CTNNA2: variants seen among roughly 807,000 people sequenced by gnomAD.
CTNNA2 encodes catenin alpha 2.
CTNNA2 carries 42 observed loss-of-function variants against 101.0 expected under a neutral mutation model. That is an observed-to-expected ratio of 0.42 (90% CI 0.32 to 0.54). CTNNA2 has a LOEUF of 0.54. Ranked by LOEUF, CTNNA2 falls within the 20% of genes least tolerant of loss-of-function variation. The pLI, the probability that CTNNA2 is intolerant of heterozygous loss-of-function variation, is 0.14. For missense variants in CTNNA2, 871 were observed against 1,223.1 expected (o/e 0.71, Z 4.29); for synonymous variants, 450 against 456.4 (o/e 0.99, Z 0.18).
intron 7 of CTNNA2, among the ~76,000 whole-genome samples, chr2:80,351,667 C>T (rs1232305153): frequency 6.6e-6 from 1 of 152,086 alleles, no homozygotes; most frequent in African/African-American, 2.4e-5. Context: ...GTTAATTTCA[C>T]ATTTGAGAGT....
At chr2:80,555,003 T>C (rs1270604266) in intron 11 of CTNNA2, among the ~76,000 whole-genome samples, 2 of 152,136 alleles carry the variant, frequency 1.3e-5, no homozygotes, top group African/African-American at 4.8e-5. Context: ...TGGGCAATCA[T>C]ATGAAAGTTA....
At chr2:79,475,514 A>G (rs1671041487) in intron 4 of CTNNA2, among the ~76,000 whole-genome samples, 1 of 152,196 alleles carries the variant, frequency 6.6e-6, no homozygotes, top group Non-Finnish European at 1.5e-5. Flanking sequence ...TATGAAGGTT[A>G]CAGTCTAATA....
chr2:79,476,784 G>C (rs765180917), intron 4 of CTNNA2, among the ~76,000 whole-genome samples: 1 of 152,090 alleles, frequency 6.6e-6, no homozygotes. Flanking sequence ...CTAGCCACTC[G>C]GTCTCTCGGC....
At chr2:80,117,455 A>AGAGTGTGTGT (rs143379167) in intron 7 of CTNNA2, among the ~76,000 whole-genome samples, 6 of 145,882 alleles carry the variant, frequency 4.1e-5, no homozygotes, top group East Asian at 2.0e-4. Flanking sequence ...TTCCTGTGTG[A>AGAGTGTGTGT]GTGTGTGTGT....
At chr2:80,402,828 ATTTC>A (rs1389992550) in intron 8 of CTNNA2, among the ~76,000 whole-genome samples, 8 of 148,600 alleles carry the variant, frequency 5.4e-5, no homozygotes, top group Non-Finnish European at 8.9e-5. Flanking sequence ...ATATTTATAT[ATTTC>A]TTATTATTTC....
intron 2 of CTNNA2, among the ~76,000 whole-genome samples, chr2:79,234,317 T>A (rs1173428397): frequency 6.6e-6 from 1 of 152,138 alleles, no homozygotes; most frequent in East Asian, 1.9e-4. Context: ...TGAGGTATGA[T>A]AGTCTTGGTT....
At chr2:80,536,566 CAG>C (rs1368812333) in intron 9 of CTNNA2, among the ~76,000 whole-genome samples, 1 of 152,104 alleles carries the variant, frequency 6.6e-6, no homozygotes, top group African/African-American at 2.4e-5. Context: ...GTGTTTCAAA[CAG>C]AACAGAATCA....
At chr2:80,493,419 T>A (rs758767155) in intron 9 of CTNNA2, among the ~76,000 whole-genome samples, 6 of 152,186 alleles carry the variant, frequency 3.9e-5, no homozygotes, top group Non-Finnish European at 7.3e-5. Flanking sequence ...AAGTTGGTGA[T>A]CTTTGAATAA....
Position 80,190,394 on chromosome 2 carries a change from G to T in CTNNA2, c.1057-202817G>T, listed in dbSNP as rs760009306. ...TTCAACCACCTGCAAACAGCATGCGGTTTGTATAGCATTTTCAGTTAACAC... is the reference window on the plus strand; with the variant it reads ...TTCAACCACCTGCAAACAGCATGCGTTTTGTATAGCATTTTCAGTTAACAC... On this transcript the variant is annotated intron_variant, in intron 7 of 18. Coordinates refer to ENST00000402739, the MANE Select transcript of CTNNA2 (RefSeq NM_001282597.3). Among the ~76,000 whole-genome samples the T allele has an allele frequency of 4.6e-5, 7 of 152,246 alleles. No homozygotes were observed. In the Middle Eastern group the frequency reaches 0.01, roughly 222 times the overall value.
intron 9 of CTNNA2, among the ~76,000 whole-genome samples, chr2:80,521,429 A>G (rs530714446): frequency 4.5e-4 from 68 of 152,280 alleles, no homozygotes; most frequent in African/African-American, 1.5e-3. Context: ...GAACCCATGA[A>G]TATGTTACTT....
chr2:79,361,429 G>T (rs1388734677), intron 3 of CTNNA2, among the ~76,000 whole-genome samples: 1 of 152,160 alleles, frequency 6.6e-6, no homozygotes, highest in Non-Finnish European at 1.5e-5. Flanking sequence ...TGGCAACACC[G>T]ATTAGGGTTC....
intron 1 of CTNNA2, 36 bp from the exon 2 acceptor site, chr2:79,651,516 A>G (rs776592033): frequency 1.6e-5 from 25 of 1,561,240 alleles, no homozygotes; most frequent in African/African-American, 5.4e-5. Flanking sequence ...TATTTCAAAG[A>G]TGATTATTTC....
At chr2:80,374,560 A>G (rs1675745749) in intron 7 of CTNNA2, among the ~76,000 whole-genome samples, 1 of 152,018 alleles carries the variant, frequency 6.6e-6, no homozygotes, top group East Asian at 1.9e-4. Context: ...AGTTCTGGAG[A>G]CTAGAAGTCT....
chr2:80,330,553 G>T (rs1282739760), intron 7 of CTNNA2, among the ~76,000 whole-genome samples: 1 of 147,970 alleles, frequency 6.8e-6, no homozygotes, highest in Non-Finnish European at 1.5e-5. Context: ...CTTAGCCATT[G>T]TTCATTTGAA....
At chr2:79,792,576 G>C (rs1276800455) in intron 3 of CTNNA2, among the ~76,000 whole-genome samples, 4 of 151,984 alleles carry the variant, frequency 2.6e-5, no homozygotes, top group Non-Finnish European at 5.9e-5. Flanking sequence ...GCTTGGCATT[G>C]ATTCATTCCA....
At chr2:79,958,291 A>C (rs1689382796) in intron 7 of CTNNA2, among the ~76,000 whole-genome samples, 1 of 152,226 alleles carries the variant, frequency 6.6e-6, no homozygotes, top group South Asian at 2.1e-4. Context: ...ATGAATTAGT[A>C]ACAGAACTTG....
intron 1 of CTNNA2, among the ~76,000 whole-genome samples, chr2:79,555,781 C>T (rs1320432404): frequency 6.6e-6 from 1 of 151,964 alleles, no homozygotes; most frequent in East Asian, 1.9e-4. Flanking sequence ...TCAGTGTTAC[C>T]CACTGACCTT....
At chr2:80,049,010 G>A (rs142263122) in intron 7 of CTNNA2, among the ~76,000 whole-genome samples, 1 of 152,204 alleles carries the variant, frequency 6.6e-6, no homozygotes, top group East Asian at 1.9e-4. Flanking sequence ...AGTCATTAGG[G>A]GCTACAGTCT....
chr2:79,513,716 T>G (rs1671654747), intron 1 of CTNNA2, among the ~76,000 whole-genome samples: 1 of 144,072 alleles, frequency 6.9e-6, no homozygotes. Flanking sequence ...GAAGAATCTG[T>G]GGATTTGTGC....
Sources: gnomAD v4.1 joint callset for allele counts (sites outside exome capture counted in the v4.1 genomes callset) on GRCh38, gnomAD v4.1.1 for gene constraint, MANE v1.5 for transcripts, NCBI Gene and HGNC (gene_info 2026-07-23, HGNC 2026-07-21) for gene names.